The following SERGEF variants were observed in gnomAD, a reference collection of about 807,000 sequenced individuals.
SERGEF encodes secretion regulating guanine nucleotide exchange factor, also known as secretion-regulating guanine nucleotide exchange factor.
Under a neutral mutation model 50.0 loss-of-function variants are expected in SERGEF, and 51 were observed. The observed-to-expected ratio is 1.02, with a 90% CI of 0.81 to 1.29. The LOEUF (loss-of-function observed/expected upper bound fraction) is 1.29, where lower values mean the gene tolerates loss of function less well. Ranked by LOEUF, SERGEF falls within the 50% of genes most tolerant of loss-of-function variation. The pLI, the probability that SERGEF is intolerant of heterozygous loss-of-function variation, is 0.00. For missense variants in SERGEF, 521 were observed against 557.0 expected (o/e 0.94, Z 0.65); for synonymous variants, 205 against 212.4 (o/e 0.97, Z 0.30).
intron 9 of SERGEF, chr11:17,918,790 A>G (rs373740884): frequency 6.9e-6 from 3 of 433,008 alleles, no homozygotes; most frequent in Middle Eastern, 3.4e-4. Flanking sequence ...CTGGAAAAAA[A>G]GCAGAATATG....
intron 9 of SERGEF, among the ~76,000 whole-genome samples, chr11:17,912,185 G>A (rs963217951): frequency 2.6e-5 from 4 of 152,138 alleles, no homozygotes; most frequent in Non-Finnish European, 2.9e-5. Context: ...GATGGTGAAG[G>A]AGACAGGGGG....
chr11:18,001,638 A>G (rs1443200106), intron 4 of SERGEF, among the ~76,000 whole-genome samples: 1 of 152,244 alleles, frequency 6.6e-6, no homozygotes, highest in African/African-American at 2.4e-5. Context: ...CTGTGACATA[A>G]TAAATGTTTG....
intron 9 of SERGEF, among the ~76,000 whole-genome samples, chr11:17,882,908 T>C (rs957791245): frequency 3.3e-5 from 5 of 152,126 alleles, no homozygotes; most frequent in Non-Finnish European, 5.9e-5. Flanking sequence ...AGAAGTCAGT[T>C]ACAGGAAACA....
intron 9 of SERGEF, chr11:17,918,880 A>G: frequency 2.9e-6 from 1 of 343,678 alleles, no homozygotes; most frequent in South Asian, 2.2e-5. Context: ...CAAGTTACAG[A>G]ACTGCAAGTT....
chr11:17,938,005 G>A (rs890034986), intron 9 of SERGEF, among the ~76,000 whole-genome samples: 1 of 152,204 alleles, frequency 6.6e-6, no homozygotes, highest in African/African-American at 2.4e-5. Context: ...AACAACCCTA[G>A]CAGTCAGTGG....
intron 8 of SERGEF, among the ~76,000 whole-genome samples, chr11:17,971,376 A>G (rs1565219045): frequency 6.6e-6 from 1 of 152,194 alleles, no homozygotes; most frequent in Non-Finnish European, 1.5e-5. Flanking sequence ...TGGGAAGAAG[A>G]TAACTATCTA....
chr11:17,917,029 G>A lies in SERGEF; in HGVS notation c.1012-38785C>T, dbSNP rs538034273. Among the ~76,000 whole-genome samples, 6 of 152,298 alleles carry A rather than the reference G, an allele frequency of 3.9e-5. No individual in the cohort carries two copies. In the South Asian group the frequency reaches 1.0e-3, roughly 26 times the overall value. ...GTGGAGATTCCTTAAAGAACTAAAA[G>A]TAGAACTACCATTTGATCCAGCATT... On this transcript the variant is annotated intron_variant, in intron 9 of 10. Transcript: ENST00000265965.
chr11:17,927,191 C>T (rs898774943), intron 9 of SERGEF, among the ~76,000 whole-genome samples: 2 of 152,306 alleles, frequency 1.3e-5, no homozygotes, highest in South Asian at 2.1e-4. Context: ...GGTTAACCCA[C>T]ACTAGAGACT....
rs192822061 is a variant in SERGEF at position 17,788,917 on chromosome 11, T to C, written c.1049-504A>G. Among the ~76,000 whole-genome samples, 4 of 152,310 alleles carry C rather than the reference T, an allele frequency of 2.6e-5. No homozygotes were observed. The East Asian group carries it at 7.7e-4, about 29-fold the overall frequency. On this transcript the variant is annotated intron_variant, in intron 10 of 10. Transcript: ENST00000265965. ...TTCGACAACTGCAAATCTAATCACG[T>C]GTCACTCTGCTGCTTAAAACCCTTC...
At chr11:18,000,741 T>A in intron 4 of SERGEF, 184 bp from the exon 5 acceptor site, 1 of 696,052 alleles carries the variant, frequency 1.4e-6, no homozygotes. Context: ...AAAAAATATA[T>A]CTTTTAAAAT....
At chr11:17,822,818 A>G (rs1850108631) in intron 10 of SERGEF, among the ~76,000 whole-genome samples, 2 of 152,228 alleles carry the variant, frequency 1.3e-5, no homozygotes, top group Non-Finnish European at 2.9e-5. Flanking sequence ...GGAGGAGCAC[A>G]GAGATTTCAT....
At chr11:17,929,966 A>AG (rs1359434923) in intron 9 of SERGEF, among the ~76,000 whole-genome samples, 2 of 152,178 alleles carry the variant, frequency 1.3e-5, no homozygotes, top group East Asian at 3.8e-4. Context: ...GCTAGAATAT[A>AG]GTAGGATTCG....
At chr11:17,828,148 T>G (rs907670008) in intron 10 of SERGEF, among the ~76,000 whole-genome samples, 1 of 152,196 alleles carries the variant, frequency 6.6e-6, no homozygotes, top group Non-Finnish European at 1.5e-5. Flanking sequence ...CTCCTCACTC[T>G]CAAAACGTGT....
chr11:18,000,643 G>A (rs978550934), intron 4 of SERGEF, 86 bp from the exon 5 acceptor site: 19 of 969,156 alleles, frequency 2.0e-5, no homozygotes, highest in South Asian at 1.4e-4. Context: ...AATGCAGTAC[G>A]GTCCTCATTA....
intron 9 of SERGEF, among the ~76,000 whole-genome samples, chr11:17,896,829 C>G (rs146929187): frequency 0.47 from 15,094 of 32,386 alleles, 3,128 homozygotes; most frequent in South Asian, 0.49. Context: ...GGAAGGGTAA[C>G]GGAAGGGTAA....
intron 8 of SERGEF, among the ~76,000 whole-genome samples, chr11:17,982,054 C>T (rs1354076479): frequency 1.3e-5 from 2 of 152,178 alleles, no homozygotes; most frequent in South Asian, 4.1e-4. Flanking sequence ...ATCCACCTGC[C>T]TCAGCCTCCC....
chr11:17,948,676 T>C (rs1167257846), intron 9 of SERGEF, among the ~76,000 whole-genome samples: 2 of 152,220 alleles, frequency 1.3e-5, no homozygotes, highest in Non-Finnish European at 2.9e-5. Context: ...CTGGGTCTCC[T>C]GAAGTGGCAC....
chr11:17,834,102 T>C (rs1850361228), intron 10 of SERGEF, among the ~76,000 whole-genome samples: 1 of 152,186 alleles, frequency 6.6e-6, no homozygotes, highest in African/African-American at 2.4e-5. Context: ...AATCTCATCT[T>C]GAATTCCCAC....
chr11:17,800,180 A>C (rs1849643370), intron 10 of SERGEF, among the ~76,000 whole-genome samples: 9 of 152,130 alleles, frequency 5.9e-5, no homozygotes, highest in Admixed American at 5.9e-4. Flanking sequence ...ACTATTTTTT[A>C]AGAGAAAATG....
Sources: allele counts gnomAD v4.1 joint callset (sites outside exome capture counted in the v4.1 genomes callset), GRCh38; gene constraint gnomAD v4.1.1; transcripts MANE v1.5; gene names NCBI Gene and HGNC (gene_info 2026-07-23, HGNC 2026-07-21).